CTTNBP2: variants seen among roughly 807,000 people sequenced by gnomAD.
CTTNBP2 encodes the protein cortactin binding protein 2, also known as cortactin-binding protein 2.
Under a neutral mutation model 156.9 loss-of-function variants are expected in CTTNBP2, and 108 were observed. That is an observed-to-expected ratio of 0.69 (90% CI 0.59 to 0.81). The LOEUF (loss-of-function observed/expected upper bound fraction) is 0.81, where lower values mean the gene tolerates loss of function less well. CTTNBP2 is among the 30% of genes least tolerant of loss of function. The pLI is 0.00. For synonymous variants in CTTNBP2, 767 were observed against 751.8 expected (o/e 1.02, Z -0.33); for missense variants, 1,924 against 2,035.4 (o/e 0.95, Z 1.05).
chr7:117,773,390 G>A (rs1797898796), intron 8 of CTTNBP2, among the ~76,000 whole-genome samples: 1 of 152,154 alleles, frequency 6.6e-6, no homozygotes, highest in African/African-American at 2.4e-5. Context: ...CAGGCAGATT[G>A]CAATCCTAAC....
intron 2 of CTTNBP2, among the ~76,000 whole-genome samples, chr7:117,851,565 C>T (rs954342435): frequency 6.6e-6 from 1 of 152,216 alleles, no homozygotes; most frequent in Non-Finnish European, 1.5e-5. Flanking sequence ...GTTTTTACCA[C>T]ATCTGTTTCC....
chr7:117,864,684 A>ATATTCATATATCTAGATG (rs1804004269), intron 1 of CTTNBP2, among the ~76,000 whole-genome samples: 4 of 108,760 alleles, frequency 3.7e-5, no homozygotes, highest in Non-Finnish European at 6.3e-5. Flanking sequence ...ATATTTATAT[A>ATATTCATATATCTAGATG]TATTCATATA....
intron 3 of CTTNBP2, among the ~76,000 whole-genome samples, chr7:117,804,134 T>C (rs963391595): frequency 1.3e-5 from 2 of 152,134 alleles, no homozygotes; most frequent in Non-Finnish European, 2.9e-5. Flanking sequence ...GGCTAATTTT[T>C]GTATTTTTAG....
chr7:117,725,753 T>C (rs971925185), intron 17 of CTTNBP2, among the ~76,000 whole-genome samples: 4 of 152,148 alleles, frequency 2.6e-5, no homozygotes, highest in Non-Finnish European at 4.4e-5. Flanking sequence ...CAAGGCGCAA[T>C]CTCGGCTCAC....
At position 117,725,639 on chromosome 7, in the gene CTTNBP2, CCTT is replaced by C. The variant is rs1390715503; in HGVS notation, c.4056-385_4056-383del. Among the ~76,000 whole-genome samples, 19 of 152,164 alleles carry C rather than the reference CCTT, an allele frequency of 1.2e-4. 1 individual carries two copies. The highest frequency in any genetic ancestry group is 1.0e-3 in the Admixed American group (16 of 15,278). Reference sequence around the variant, plus strand: ...TAGCTTCAACTTCTTTGTTACATCTCCTTAATAAGGTGCACATACATTGTATTG... The same window carrying C: ...TAGCTTCAACTTCTTTGTTACATCTCAATAAGGTGCACATACATTGTATTG... On this transcript the variant is annotated intron_variant, in intron 17 of 22. Coordinates refer to ENST00000160373, the MANE Select transcript of CTTNBP2 (RefSeq NM_033427.3).
chr7:117,764,343 G>A (rs903303680), intron 9 of CTTNBP2, among the ~76,000 whole-genome samples: 2 of 152,084 alleles, frequency 1.3e-5, no homozygotes, highest in African/African-American at 4.8e-5. Context: ...TGCAGATACA[G>A]CTAAATACCT....
In CTTNBP2 at chr7:117,711,611, C is replaced by A; in HGVS notation, c.4918G>T (p.Glu1640Ter). ...ACTTCTTTTGAGTTGTTGTTGATTTCTATTTGCCTTGTATTACTGCTGCTG... is the reference window on the plus strand; with the variant it reads ...ACTTCTTTTGAGTTGTTGTTGATTTATATTTGCCTTGTATTACTGCTGCTG... The part of the protein sequence containing the change: ...SSSSSNTRQI[E>*]INNNSKEVNW... The change falls in exon 23 of 23, where the codon GAA (glutamate) becomes TAA (stop). Residue 1640 changes from glutamate to a stop codon, truncating the protein, a stop_gained. Coordinates refer to ENST00000160373, the MANE Select transcript of CTTNBP2 (RefSeq NM_033427.3). LOFTEE classifies it high-confidence loss of function. 6.2e-7 allele frequency: 1 copy of A among 1,613,890 alleles called. No individual in the cohort carries two copies. Among genetic ancestry groups the A allele is most frequent in the Non-Finnish European group, 8.5e-7 (1 of 1,179,910 alleles).
At chr7:117,772,931 A>G (rs1161113400) in intron 8 of CTTNBP2, among the ~76,000 whole-genome samples, 1 of 152,198 alleles carries the variant, frequency 6.6e-6, no homozygotes, top group African/African-American at 2.4e-5. Flanking sequence ...ACTGCTGTCC[A>G]AAGTAAGAAA....
chr7:117,745,629 A>AGATAAC (rs1796284686), intron 14 of CTTNBP2, among the ~76,000 whole-genome samples: 1 of 152,082 alleles, frequency 6.6e-6, no homozygotes, highest in Admixed American at 6.5e-5. Flanking sequence ...TAATAACAAA[A>AGATAAC]AGAAGAAAAA....
At position 117,718,076 on chromosome 7, in the gene CTTNBP2, C is replaced by A. The variant is rs750303532; in HGVS notation, c.4688G>T (p.Gly1563Val). 31 of 1,613,340 alleles carry A rather than the reference C, an allele frequency of 1.9e-5. No individual in the cohort carries two copies. The highest frequency in any genetic ancestry group is 2.4e-5 in the Non-Finnish European group (28 of 1,179,524). Residue 1563 changes from glycine (G) to valine (V), a missense_variant, in exon 22 of 23, where the codon GGA becomes GTA. Coordinates refer to ENST00000160373, the MANE Select transcript of CTTNBP2 (RefSeq NM_033427.3). Reference sequence around the variant, plus strand: ...AGTTGCTGAAAGTACAGGGTTGTTTCCAGAACTATCAAACATCCTTAAATC... The same window carrying A: ...AGTTGCTGAAAGTACAGGGTTGTTTACAGAACTATCAAACATCCTTAAATC... ...RDDLRMFDSS[G>V]NNPVLSATIN...
rs1794012313 is a variant in CTTNBP2, at chr7:117,710,735, A to G, written c.*802T>C. The G allele has an allele frequency of 6.6e-6, 1 of 152,282 alleles. No individual in the cohort carries two copies. Among genetic ancestry groups the G allele is most frequent in the Admixed American group, 6.6e-5 (1 of 15,230 alleles). The allele number at this position is 152,282 out of a possible 1,614,324, so 9.4% of individuals were successfully genotyped here. A position where few individuals can be genotyped will look rare whatever the true frequency, so the allele number is the denominator to read the frequency against. ...TTTTGTCTGTAATTTTAGAAGTAAC[A>G]TTTGTAGAAAATATCAATATTATCA... On this transcript the variant is annotated 3_prime_UTR_variant, in exon 23 of 23. Coordinates refer to ENST00000160373, the MANE Select transcript of CTTNBP2 (RefSeq NM_033427.3).
intron 3 of CTTNBP2, among the ~76,000 whole-genome samples, chr7:117,809,061 G>A (rs1182028120): frequency 6.6e-6 from 1 of 152,076 alleles, no homozygotes; most frequent in East Asian, 1.9e-4. Context: ...TTATACATGG[G>A]AGACACACCA....
intron 20 of CTTNBP2, among the ~76,000 whole-genome samples, chr7:117,719,993 C>G (rs1449751693): frequency 6.6e-6 from 1 of 152,194 alleles, no homozygotes; most frequent in Non-Finnish European, 1.5e-5. Context: ...AAACTTGGCT[C>G]TATTGCTAGC....
intron 10 of CTTNBP2, among the ~76,000 whole-genome samples, chr7:117,759,814 T>C (rs1797092325): frequency 6.6e-6 from 1 of 152,182 alleles, no homozygotes; most frequent in African/African-American, 2.4e-5. Context: ...CCATAGAAGG[T>C]AGTTCTCCTG....
chr7:117,873,318 C>T lies in CTTNBP2; in HGVS notation c.81+17G>A, dbSNP rs1209871578. On this transcript the variant is annotated intron_variant, in intron 1 of 22. Transcript: ENST00000160373. ...GCGTCTACACTAGCCCCGCGCCCGC[C>T]CCGGGAACTCGGTTACCGCCGCCTC... The T allele has an allele frequency of 1.4e-6, 2 of 1,434,842 alleles. No homozygotes were observed. Among genetic ancestry groups the T allele is most frequent in the Non-Finnish European group, 1.8e-6 (2 of 1,097,732 alleles). The allele number at this position is 1,434,842 out of a possible 1,614,324, so 88.9% of individuals were successfully genotyped here.
Position 117,873,441 on chromosome 7 carries a change from C to A in CTTNBP2, c.-26G>T. 9 of 1,444,714 alleles carry A rather than the reference C, an allele frequency of 6.2e-6. No individual in the cohort carries two copies. The highest frequency in any genetic ancestry group is 2.4e-5 in the Admixed American group (1 of 41,070). The allele number at this position is 1,444,714 out of a possible 1,614,324, so 89.5% of individuals were successfully genotyped here. A position where few individuals can be genotyped will look rare whatever the true frequency, so the allele number is the denominator to read the frequency against. On this transcript the variant is annotated 5_prime_UTR_variant, in exon 1 of 23. Transcript: ENST00000160373. ...CTTCCTGCTCTAGCGGATCCGAATGCGAGCTCGGAGCCGCGGCTCCGGACT... is the reference window on the plus strand; with the variant it reads ...CTTCCTGCTCTAGCGGATCCGAATGAGAGCTCGGAGCCGCGGCTCCGGACT...
intron 2 of CTTNBP2, among the ~76,000 whole-genome samples, chr7:117,854,905 C>A (rs1237215025): frequency 6.6e-6 from 1 of 152,158 alleles, no homozygotes; most frequent in Non-Finnish European, 1.5e-5. Flanking sequence ...CTGCCTCAAC[C>A]TCTCAAGTAG....
intron 16 of CTTNBP2, among the ~76,000 whole-genome samples, chr7:117,731,052 A>C (rs1795372703): frequency 6.6e-6 from 1 of 152,192 alleles, no homozygotes; most frequent in Admixed American, 6.5e-5. Context: ...AAGTTTATGT[A>C]CATGGTACAA....
chr7:117,714,878 G>A (rs766459786), intron 22 of CTTNBP2, among the ~76,000 whole-genome samples: 4 of 152,198 alleles, frequency 2.6e-5, no homozygotes, highest in Admixed American at 6.5e-5. Flanking sequence ...GGGCAGCGGA[G>A]TTTAGGAGCA....
Sources: gnomAD v4.1 joint callset for allele counts (sites outside exome capture counted in the v4.1 genomes callset) on GRCh38, gnomAD v4.1.1 for gene constraint, MANE v1.5 for transcripts, NCBI Gene and HGNC (gene_info 2026-07-23, HGNC 2026-07-21) for gene names.